The following DRC7 variants were observed in gnomAD, a reference collection of about 807,000 sequenced individuals.
DRC7 encodes the protein dynein regulatory complex subunit 7.
DRC7 carries 80 observed loss-of-function variants against 104.4 expected under a neutral mutation model. The ratio of observed to expected loss-of-function variants is 0.77; its 90% CI spans 0.64 to 0.92. The LOEUF is 0.92. Among genes scored for constraint, DRC7 ranks in the 40% least tolerant of loss-of-function variants. The pLI, the probability that DRC7 is intolerant of heterozygous loss-of-function variation, is 0.00. For synonymous variants in DRC7, 405 were observed against 447.3 expected, an observed-to-expected ratio of 0.91 and a Z score of 1.19; for missense variants, 1,034 against 1,141.1, an observed-to-expected ratio of 0.91 and a Z score of 1.35.
At chr16:57,708,772 T>C (rs572432053) in intron 8 of DRC7, among the ~76,000 whole-genome samples, 2 of 152,308 alleles carry the variant, frequency 1.3e-5, no homozygotes, top group South Asian at 2.1e-4. Context: ...CTGGATACTT[T>C]CTTTTCCATT....
rs151212770 is a variant in DRC7, at chr16:57,724,678, G to C, written c.1601G>C (p.Arg534Pro). The part of the protein sequence containing the change: ...DRVIEFYETA[R>P]VDGLMKREET... ...GTCATTGAGTTTTATGAAACGGCCC[G>C]TGTGGATGGCCTGATGAAGCGGGAG... is the stretch of plus-strand genomic sequence containing the variant. The change falls in exon 13 of 19, where the codon CGT (arginine) becomes CCT (proline). Residue 534 changes from arginine (R) to proline (P), a missense_variant. Transcript: ENST00000360716. 5.0e-6 allele frequency: 8 copies of C among 1,613,836 alleles called. No individual in the cohort carries two copies. The Admixed American group carries it at 8.3e-5, about 17-fold the overall frequency.
rs2148737597 is a variant in DRC7, at chr16:57,705,002, A to G, written c.826A>G (p.Lys276Glu). 1 of 1,613,082 alleles carries G rather than the reference A, an allele frequency of 6.2e-7. No individual in the cohort carries two copies. The highest frequency in any genetic ancestry group is 2.2e-5 in the East Asian group (1 of 44,870). Residue 276 changes from lysine to glutamate, a missense_variant, in exon 7 of 19, where the codon AAG becomes GAG. Coordinates refer to ENST00000360716, the MANE Select transcript of DRC7 (RefSeq NM_001289162.2). ...GCAGGAGATCAGAGCCCAGGAGAAG[A>G]AGCGGCTGAGGGAGGAGGAGGAGCG... ...KQQEIRAQEK[K>E]RLREEEERLM... is the part of the protein sequence containing the mutation.
intron 9 of DRC7, among the ~76,000 whole-genome samples, chr16:57,720,502 C>A (rs767876390): frequency 6.6e-6 from 1 of 152,212 alleles, no homozygotes; most frequent in East Asian, 1.9e-4. Flanking sequence ...TGCAGGCAGC[C>A]GGCTGAGCAC....
intron 4 of DRC7, 29 bp from the exon 5 acceptor site, chr16:57,700,116 C>A (rs774804344): frequency 1.9e-6 from 3 of 1,608,676 alleles, no homozygotes; most frequent in Admixed American, 1.7e-5. Context: ...ATTGCCTTGA[C>A]CCCACTGGCA....
intron 9 of DRC7, 111 bp from the exon 10 acceptor site, chr16:57,721,556 C>A: frequency 1.3e-6 from 1 of 770,644 alleles, no homozygotes; most frequent in Non-Finnish European, 2.2e-6. Flanking sequence ...CCTGCGGAAG[C>A]CAACGGACCA....
chr16:57,701,223 A>T (rs1173458022), intron 5 of DRC7: 1 of 152,236 alleles, frequency 6.6e-6, no homozygotes, highest in Non-Finnish European at 1.5e-5. Context: ...TTTGCCTTGG[A>T]AACGGATCAC....
intron 6 of DRC7, 113 bp downstream of exon 6, chr16:57,702,243 C>A: frequency 5.7e-6 from 6 of 1,057,736 alleles, no homozygotes; most frequent in Non-Finnish European, 8.2e-6. Flanking sequence ...CCTGGCCACG[C>A]GGACACAGAT....
chr16:57,702,228 C>G, intron 6 of DRC7, 98 bp downstream of exon 6: 1 of 1,254,794 alleles, frequency 8.0e-7, no homozygotes. Context: ...CGCCTCATCC[C>G]CAGCCCTGGC....
intron 3 of DRC7, 74 bp downstream of exon 3, chr16:57,698,226 G>T: frequency 1.2e-6 from 2 of 1,600,556 alleles, no homozygotes; most frequent in Non-Finnish European, 1.7e-6. Flanking sequence ...GCAGAGTGCT[G>T]GTGCCTGGTC....
At position 57,724,804 on chromosome 16, in the gene DRC7, G is replaced by A; in HGVS notation, c.1727G>A (p.Ser576Asn). The change falls in exon 13 of 19, where the codon AGC becomes AAC. Residue 576 changes from serine (S) to asparagine (N), a missense_variant. Physicochemically the swap from Ser to Asn is conservative, Grantham distance 46. Coordinates refer to ENST00000360716, the MANE Select transcript of DRC7 (RefSeq NM_001289162.2). ...CCCCGAGTCAAGAAGCTCACTCTGAGCAGTGCAGAGTCAAACCCCCGGCCC... is the reference window on the plus strand; with the variant it reads ...CCCCGAGTCAAGAAGCTCACTCTGAACAGTGCAGAGTCAAACCCCCGGCCC... ...FGPRVKKLTLSSAESNPRPIV... is the reference protein window; with the variant it reads ...FGPRVKKLTLNSAESNPRPIV... 4 of 1,613,662 alleles carry A rather than the reference G, an allele frequency of 2.5e-6. No individual in the cohort carries two copies. Among genetic ancestry groups the A allele is most frequent in the South Asian group, 2.2e-5 (2 of 91,066 alleles).
At chr16:57,730,128 A>AGTGG (rs1252412176) in intron 17 of DRC7, among the ~76,000 whole-genome samples, 2 of 32,378 alleles carry the variant, frequency 6.2e-5, no homozygotes, top group East Asian at 2.1e-3. Context: ...TGGATGGATG[A>AGTGG]GTGGGTGGGT....
intron 8 of DRC7, among the ~76,000 whole-genome samples, chr16:57,717,511 C>T (rs2048857160): frequency 6.6e-6 from 1 of 151,618 alleles, no homozygotes; most frequent in African/African-American, 2.4e-5. Flanking sequence ...CCAGCCTGGC[C>T]AAAATGGTGA....
chr16:57,724,779 C>A lies in DRC7; in HGVS notation c.1702C>A (p.Pro568Thr). Residue 568 changes from proline (P) to threonine (T), a missense_variant, in exon 13 of 19, where the codon CCC becomes ACC. Coordinates refer to ENST00000360716, the MANE Select transcript of DRC7 (RefSeq NM_001289162.2). ...FLSYRHASFG[P>T]RVKKLTLSSA... ...CTCCTACCGCCATGCCAGCTTCGGA[C>A]CCCGAGTCAAGAAGCTCACTCTGAG... The A allele has an allele frequency of 6.2e-7, 1 of 1,613,814 alleles. No homozygotes were observed. The highest frequency in any genetic ancestry group is 8.5e-7 in the Non-Finnish European group (1 of 1,180,016).
chr16:57,727,321 G>A lies in DRC7; in HGVS notation c.2108G>A (p.Arg703Gln), dbSNP rs756790817. 20 of 1,613,112 alleles carry A rather than the reference G, an allele frequency of 1.2e-5. No individual in the cohort carries two copies. Among genetic ancestry groups the A allele is most frequent in the South Asian group, 1.1e-5 (1 of 91,068 alleles). ...CAGGTGCTGGAGATTCTGAAGCTTC[G>A]AGAGGAAGAGGAGGCGGCGCACACA... ...ELEVLEILKL[R>Q]EEEEAAHTLT... The change falls in exon 16 of 19, where the codon CGA (arginine) becomes CAA (glutamine). Residue 703 changes from arginine (R) to glutamine (Q), a missense_variant. Coordinates refer to ENST00000360716, the MANE Select transcript of DRC7 (RefSeq NM_001289162.2).
chr16:57,708,269 C>G (rs2048754369), intron 8 of DRC7, among the ~76,000 whole-genome samples: 1 of 152,160 alleles, frequency 6.6e-6, no homozygotes, highest in Admixed American at 6.5e-5. Context: ...GCCACCAACC[C>G]TACCATCGTC....
chr16:57,702,073 C>A lies in DRC7; in HGVS notation c.642C>A (p.Asp214Glu). The A allele has an allele frequency of 6.2e-7, 1 of 1,614,184 alleles. No homozygotes were observed. The highest frequency in any genetic ancestry group is 8.5e-7 in the Non-Finnish European group (1 of 1,180,026). The stretch of plus-strand genomic sequence containing the variant: ...GCGTCAACGGCTACGGCTCGCTGGA[C>A]CTGTGCCACATGGACCTGACGCGGG... Reference protein sequence around the residue: ...AYCVNGYGSLDLCHMDLTREV... With the variant: ...AYCVNGYGSLELCHMDLTREV... The change falls in exon 6 of 19, where the codon GAC becomes GAA. Residue 214 changes from aspartate to glutamate, a missense_variant. Asp to Glu is a conservative substitution (Grantham distance 45). Transcript: ENST00000360716.
chr16:57,726,157 C>A lies in DRC7; in HGVS notation c.1848C>A (p.Ile616=). 6.2e-7 allele frequency: 1 copy of A among 1,613,160 alleles called. No homozygotes were observed. The highest frequency in any genetic ancestry group is 1.1e-5 in the South Asian group (1 of 91,092). ...ERVFLVAEER[I]QLRYHCREDH... is the part of the protein sequence containing the mutation. ...TGTTTCTGGTCGCGGAGGAGCGCATCCAGCTGCGCTACCACTGCCGTGAGG... is the reference window on the plus strand; with the variant it reads ...TGTTTCTGGTCGCGGAGGAGCGCATACAGCTGCGCTACCACTGCCGTGAGG... Residue 616 remains isoleucine (I), a synonymous_variant, in exon 14 of 19, where the codon ATC becomes ATA. Coordinates refer to ENST00000360716, the MANE Select transcript of DRC7 (RefSeq NM_001289162.2).
Position 57,698,051 on chromosome 16 carries a change from A to ATCCTTTT in DRC7, c.102_103insTCCTTTT (p.Val35SerfsTer4). 2 of 1,614,150 alleles carry ATCCTTTT rather than the reference A, an allele frequency of 1.2e-6. No homozygotes were observed. The highest frequency in any genetic ancestry group is 1.7e-6 in the Non-Finnish European group (2 of 1,180,030). ...CGAGGATGGAGAAAATGATGAGGCCAGTTGAGGTGCGGAAGGAGGAAATCA... is the reference window on the plus strand; with the variant it reads ...CGAGGATGGAGAAAATGATGAGGCCATCCTTTTGTTGAGGTGCGGAAGGAGGAAATCA... On this transcript the variant is annotated frameshift_variant, in exon 3 of 19. Transcript: ENST00000360716. LOFTEE classifies it high-confidence loss of function.
At chr16:57,712,854 CCTT>C (rs1476196702) in intron 8 of DRC7, among the ~76,000 whole-genome samples, 2 of 152,036 alleles carry the variant, frequency 1.3e-5, no homozygotes, top group Non-Finnish European at 2.9e-5. Context: ...CTAACATAAG[CCTT>C]CTTTCTCTCG....
Sources: allele counts gnomAD v4.1 joint callset (sites outside exome capture counted in the v4.1 genomes callset), GRCh38; gene constraint gnomAD v4.1.1; transcripts MANE v1.5; gene names NCBI Gene and HGNC (gene_info 2026-07-23, HGNC 2026-07-21).